SEMA4F: variants seen among roughly 807,000 people sequenced by gnomAD.
The protein encoded by SEMA4F is ssemaphorin 4F.
In SEMA4F, 51 loss-of-function variants were observed where a neutral mutation model predicts 78.4. The ratio of observed to expected loss-of-function variants is 0.65; its 90% CI spans 0.52 to 0.82. The LOEUF is 0.82. Among genes scored for constraint, SEMA4F ranks in the 40% least tolerant of loss-of-function variants. The pLI is 0.00. For synonymous variants in SEMA4F, 418 were observed against 408.7 expected (o/e 1.02, Z -0.27); for missense variants, 938 against 1,014.4 (o/e 0.92, Z 1.02).
the SEMA4F span, among the ~76,000 whole-genome samples, chr2:74,699,415 A>G: frequency 9.3e-4 from 142 of 152,272 alleles, no homozygotes; most frequent in African/African-American, 3.3e-3. Flanking sequence ...TCTCCACATG[A>G]CATGGCTTCA....
Position 74,679,810 on chromosome 2 carries a change from G to A in SEMA4F, c.1914G>A (p.Val638=). 6.2e-7 allele frequency: 1 copy of A among 1,614,216 alleles called. No individual in the cohort carries two copies. ...CECQEGGAAH[V]VAAYSLVWGS... ...GTCAGGAGGGTGGGGCAGCCCATGT[G>A]GTAGCAGCTTACAGCTTGGTATGGG... Residue 638 remains valine, a synonymous_variant, in exon 14 of 14, where the codon GTG becomes GTA. Transcript: ENST00000357877.
At chr2:74,674,806 C>CG in intron 8 of SEMA4F, 82 bp from the exon 9 acceptor site, 2 of 1,560,828 alleles carry the variant, frequency 1.3e-6, no homozygotes, top group South Asian at 1.2e-5. Flanking sequence ...GTGCGTTTCT[C>CG]GGGGGTCATC....
intron 5 of SEMA4F, among the ~76,000 whole-genome samples, chr2:74,666,204 C>T (rs1684691886): frequency 6.6e-6 from 1 of 152,204 alleles, no homozygotes; most frequent in African/African-American, 2.4e-5. Context: ...CTGCACCTGG[C>T]CTCAAGCAGT....
At chr2:74,673,376 T>G in intron 5 of SEMA4F, 81 bp from the exon 6 acceptor site, 4 of 1,565,744 alleles carry the variant, frequency 2.6e-6, no homozygotes, top group Non-Finnish European at 3.5e-6. Context: ...CTGCCCTGCT[T>G]TATGCCCTAC....
chr2:74,697,054 C>T, the SEMA4F span, among the ~76,000 whole-genome samples: 4 of 152,296 alleles, frequency 2.6e-5, no homozygotes, highest in East Asian at 3.9e-4. Context: ...GTACTTTTGA[C>T]GAATATTACC....
intron 12 of SEMA4F, 143 bp from the exon 13 acceptor site, chr2:74,679,133 G>C: frequency 2.7e-6 from 2 of 731,150 alleles, no homozygotes; most frequent in East Asian, 4.9e-5. Flanking sequence ...AAAATTTGGT[G>C]ATGAGGAGAA....
chr2:74,690,580 A>C, the SEMA4F span, among the ~76,000 whole-genome samples: 1 of 152,364 alleles, frequency 6.6e-6, no homozygotes, highest in Non-Finnish European at 1.5e-5. Flanking sequence ...ACACTTGAAT[A>C]TGAAAAACAA....
At chr2:74,683,949 A>T (rs1685749440), downstream of SEMA4F, 2 of 152,196 alleles carry the variant, frequency 1.3e-5, no homozygotes, top group African/African-American at 4.8e-5. Context: ...CTACCTATAG[A>T]TAGAGCAGAG....
At chr2:74,692,791 G>A in the SEMA4F span, among the ~76,000 whole-genome samples, 143 of 152,368 alleles carry the variant, frequency 9.4e-4, 1 homozygote, top group East Asian at 0.023. Flanking sequence ...TTTTCACAAA[G>A]GTGGGAGTGA....
Position 74,665,741 on chromosome 2 carries a change from A to G in SEMA4F, c.550+2916A>G, listed in dbSNP as rs186904804. Among the ~76,000 whole-genome samples, 337 of 152,176 alleles carry G rather than the reference A, an allele frequency of 2.2e-3. 2 individuals are homozygous for G. The highest frequency in any genetic ancestry group is 6.8e-3 in the Middle Eastern group (2 of 294). On this transcript the variant is annotated intron_variant, in intron 5 of 13. Coordinates refer to ENST00000357877, the MANE Select transcript of SEMA4F (RefSeq NM_004263.5). The stretch of plus-strand genomic sequence containing the variant: ...GATAGTTTATTTTTCTAGGTTTTTA[A>G]TCAACATCTTTGATGACACTCAGAG...
chr2:74,666,569 A>T (rs1684710645), intron 5 of SEMA4F, among the ~76,000 whole-genome samples: 1 of 152,214 alleles, frequency 6.6e-6, no homozygotes. Flanking sequence ...AGTCAATACT[A>T]ATATTATACA....
At position 74,656,677 on chromosome 2, in the gene SEMA4F, C is replaced by A. The variant is rs549959645; in HGVS notation, c.289C>A (p.Pro97Thr). ...ALSLPFSGER[P>T]RRIDWMVPEA... is the part of the protein sequence containing the mutation. Reference sequence around the variant, plus strand: ...ATCCCTGCCCTTCTCAGGGGAGAGACCCCGCAGGGTGAGAGACAAGAGAGG... The same window carrying A: ...ATCCCTGCCCTTCTCAGGGGAGAGAACCCGCAGGGTGAGAGACAAGAGAGG... The change falls in exon 2 of 14, where the codon CCC becomes ACC. Residue 97 changes from proline (P) to threonine (T), a missense_variant. Pro to Thr is a conservative substitution (Grantham distance 38). Coordinates refer to ENST00000357877, the MANE Select transcript of SEMA4F (RefSeq NM_004263.5). 27 of 1,614,114 alleles carry A rather than the reference C, an allele frequency of 1.7e-5. No homozygotes were observed. In the South Asian group the frequency reaches 2.9e-4, roughly 17 times the overall value.
Position 74,658,374 on chromosome 2 carries a change from A to G in SEMA4F, c.456+423A>G, listed in dbSNP as rs1684265025. On this transcript the variant is annotated intron_variant, in intron 4 of 13. Coordinates refer to ENST00000357877, the MANE Select transcript of SEMA4F (RefSeq NM_004263.5). This position sits in a 1 kb window ranked among gnomAD's most constrained non-coding sequence, Gnocchi z 4.3. The stretch of plus-strand genomic sequence containing the variant: ...AGCCCATTGCCTGTTTCTTCCTTTC[A>G]CAGCATGTGACTGTCTCTTACCACC... Among the ~76,000 whole-genome samples the G allele has an allele frequency of 6.6e-6, 1 of 152,140 alleles. No individual in the cohort carries two copies. The highest frequency in any genetic ancestry group is 2.4e-5 in the African/African-American group (1 of 41,412).
At position 74,657,778 on chromosome 2, in the gene SEMA4F, T is replaced by C. The variant is rs363713; in HGVS notation, c.358-75T>C. The C allele has an allele frequency of 8.0e-3, 11,732 of 1,460,700 alleles. 275 individuals carry two copies. Among genetic ancestry groups the C allele is most frequent in the African/African-American group, 0.075 (5,359 of 71,922 alleles). The allele number at this position is 1,460,700 out of a possible 1,614,324, so 90.5% of individuals were successfully genotyped here. A position where few individuals can be genotyped will look rare whatever the true frequency, so the allele number is the denominator to read the frequency against. ...TCATCTCTGATCCCAAAGCTGCATC[T>C]AACTGTCCTGACGTTACCTTACCCT... On this transcript the variant is annotated intron_variant, in intron 3 of 13. Transcript: ENST00000357877.
chr2:74,696,250 C>T, the SEMA4F span, among the ~76,000 whole-genome samples: 1 of 136,924 alleles, frequency 7.3e-6, no homozygotes, highest in South Asian at 2.3e-4. Flanking sequence ...GGCTGGAGTG[C>T]AGTGGTATGA....
rs1408116382 is a variant in SEMA4F, at chr2:74,675,536, C to T, written c.1384C>T (p.Leu462Phe). 1.2e-6 allele frequency: 2 copies of T among 1,614,046 alleles called. No individual in the cohort carries two copies. Among genetic ancestry groups the T allele is most frequent in the South Asian group, 2.2e-5 (2 of 91,082 alleles). The part of the protein sequence containing the change: ...VLYLGTEDGH[L>F]HRAVRIGAQL... ...TTCCTGTCCCCTAGAGGATGGACAC[C>T]TCCACCGAGCAGTGCGGATCGGAGC... The change falls in exon 11 of 14, where the codon CTC becomes TTC. Residue 462 changes from leucine to phenylalanine, a missense_variant. Leu to Phe is a conservative substitution (Grantham distance 22, BLOSUM62 0). Transcript: ENST00000357877.
downstream of SEMA4F, among the ~76,000 whole-genome samples, chr2:74,688,739 C>G (rs1351826849): frequency 6.6e-6 from 1 of 152,114 alleles, no homozygotes; most frequent in Non-Finnish European, 1.5e-5. Flanking sequence ...CTTGTATGTA[C>G]TTTGCCCTGG....
the SEMA4F span, among the ~76,000 whole-genome samples, chr2:74,696,185 C>CTTT: frequency 0.014 from 1,546 of 108,914 alleles, 58 homozygotes; most frequent in African/African-American, 0.053. Context: ...TCTCCTGCCT[C>CTTT]TTTTTTTTTT....
chr2:74,703,907 C>A, the SEMA4F span, among the ~76,000 whole-genome samples: 1 of 152,212 alleles, frequency 6.6e-6, no homozygotes, highest in African/African-American at 2.4e-5. Context: ...CCAAGCCCCA[C>A]TTGTGGTCTG....
Sources: gnomAD v4.1 joint callset for allele counts (sites outside exome capture counted in the v4.1 genomes callset) on GRCh38, gnomAD v4.1.1 for gene constraint, Gnocchi (gnomAD v3.1) non-coding constraint, MANE v1.5 for transcripts, NCBI Gene and HGNC (gene_info 2026-07-23, HGNC 2026-07-21) for gene names.